Variants in TSPAN9 observed in about 807,000 individuals in gnomAD.
TSPAN9 encodes tetraspanin-9.
A neutral mutation model predicts 31.0 loss-of-function variants in TSPAN9; 16 were observed. The observed-to-expected ratio is 0.52, with a 90% confidence interval of 0.35 to 0.78. The LOEUF is 0.78. Ranked by LOEUF, TSPAN9 falls within the 30% of genes least tolerant of loss-of-function variation. TSPAN9 has a pLI of 0.01. For synonymous variants in TSPAN9, 145 were observed against 121.6 expected, an observed-to-expected ratio of 1.19 and a Z score of -1.27; for missense variants, 272 against 312.5, an observed-to-expected ratio of 0.87 and a Z score of 0.98.
intron 1 of TSPAN9, among the ~76,000 whole-genome samples, chr12:3,081,334 C>T (rs1262585721): frequency 6.6e-6 from 1 of 152,180 alleles, no homozygotes; most frequent in East Asian, 1.9e-4. Context: ...GCCTGGCATT[C>T]AGCATCCTGC....
intron 2 of TSPAN9, among the ~76,000 whole-genome samples, chr12:3,157,008 G>C (rs1306271261): frequency 6.6e-6 from 1 of 152,114 alleles, no homozygotes; most frequent in Non-Finnish European, 1.5e-5. Flanking sequence ...TTGCAGTATT[G>C]AGTACAAATT....
At position 3,089,210 on chromosome 12, in the gene TSPAN9, T is replaced by C. The variant is rs373207547; in HGVS notation, c.-18+5491T>C. 1.1e-3 allele frequency among the ~76,000 whole-genome samples: 149 copies of C among 140,698 alleles called. 1 individual carries two copies. In the East Asian group the frequency reaches 0.02, roughly 19 times the overall value. The allele number at this position is 140,698 out of a possible 152,430, so 92.3% of individuals were successfully genotyped here. ...TCGCGCCACTGCACTCCAGCCTGGG[T>C]GACAGAGCGAGACTCCATCTCAAAA... is the stretch of plus-strand genomic sequence containing the variant. On this transcript the variant is annotated intron_variant, in intron 2 of 8. Transcript: ENST00000011898.
intron 2 of TSPAN9, among the ~76,000 whole-genome samples, chr12:3,142,872 G>A (rs375655106): frequency 5.3e-5 from 8 of 152,272 alleles, no homozygotes; most frequent in African/African-American, 1.4e-4. Flanking sequence ...TCCCACGAGC[G>A]CCCTTTTTCT....
In TSPAN9 at chr12:3,274,272, G is replaced by A. The variant is rs192657233; in HGVS notation, c.64-4149G>A. ...GGAACCACTGGGCTGAGGGCTGAGAGCACCATGTCTCAGACTCGGCTAAGA... is the reference window on the plus strand; with the variant it reads ...GGAACCACTGGGCTGAGGGCTGAGAACACCATGTCTCAGACTCGGCTAAGA... On this transcript the variant is annotated intron_variant, in intron 3 of 8. Coordinates refer to ENST00000011898, the MANE Select transcript of TSPAN9 (RefSeq NM_006675.5). Among the ~76,000 whole-genome samples the A allele has an allele frequency of 2.0e-3, 308 of 152,344 alleles. 2 individuals are homozygous for A. Among genetic ancestry groups the A allele is most frequent in the African/African-American group, 7.0e-3 (289 of 41,582 alleles).
At chr12:3,139,640 G>A (rs1330400615) in intron 2 of TSPAN9, among the ~76,000 whole-genome samples, 2 of 152,114 alleles carry the variant, frequency 1.3e-5, no homozygotes, top group Non-Finnish European at 2.9e-5. Context: ...GTGACTCCCA[G>A]GCTCAAGTCG....
In TSPAN9 at chr12:3,122,027, G is replaced by A. The variant is rs118063489; in HGVS notation, c.-18+38308G>A. On this transcript the variant is annotated intron_variant, in intron 2 of 8. Transcript: ENST00000011898. Reference sequence around the variant, plus strand: ...CTGAGTTCTCCCCTCCCCTCCCCTCGTTTTTTGTCTTAAAAAGAGATAGAG... The same window carrying A: ...CTGAGTTCTCCCCTCCCCTCCCCTCATTTTTTGTCTTAAAAAGAGATAGAG... 4.6e-4 allele frequency among the ~76,000 whole-genome samples: 70 copies of A among 152,046 alleles called. No individual in the cohort carries two copies. The East Asian group carries it at 0.011, about 24-fold the overall frequency.
intron 2 of TSPAN9, among the ~76,000 whole-genome samples, chr12:3,142,832 TAAC>T (rs1195400991): frequency 6.6e-6 from 1 of 152,204 alleles, no homozygotes; most frequent in Non-Finnish European, 1.5e-5. Flanking sequence ...ATAGCGTTAT[TAAC>T]AATAGATTTT....
At chr12:3,102,304 T>C (rs991223959) in intron 2 of TSPAN9, among the ~76,000 whole-genome samples, 9 of 151,972 alleles carry the variant, frequency 5.9e-5, no homozygotes, top group African/African-American at 1.9e-4. Context: ...TTTTAAAATT[T>C]TTTTGTAGAG....
At chr12:3,282,540 T>A (rs1049082240) in intron 8 of TSPAN9, among the ~76,000 whole-genome samples, 1 of 152,288 alleles carries the variant, frequency 6.6e-6, no homozygotes, top group East Asian at 1.9e-4. Flanking sequence ...ACTACAGGCA[T>A]ATACACCACC....
chr12:3,274,743 G>C (rs754537530), intron 3 of TSPAN9, among the ~76,000 whole-genome samples: 13 of 152,246 alleles, frequency 8.5e-5, no homozygotes, highest in Non-Finnish European at 1.5e-4. Flanking sequence ...CAGAAGATGG[G>C]AGCAGAGAGC....
chr12:3,109,295 TGTGTGAGAGAGA>T (rs1165651906), intron 2 of TSPAN9, among the ~76,000 whole-genome samples: 2 of 114,970 alleles, frequency 1.7e-5, no homozygotes, highest in South Asian at 2.4e-4. Flanking sequence ...TGTGTGTGTG[TGTGTGAGAGAGA>T]GTGTGTGTGT....
At chr12:3,247,074 G>A (rs1470007264) in intron 3 of TSPAN9, among the ~76,000 whole-genome samples, 1 of 152,160 alleles carries the variant, frequency 6.6e-6, no homozygotes, top group East Asian at 1.9e-4. Flanking sequence ...GCAACGTACT[G>A]TGCACACATG....
intron 3 of TSPAN9, among the ~76,000 whole-genome samples, chr12:3,266,062 C>G (rs473014): frequency 6.6e-6 from 1 of 150,892 alleles, no homozygotes; most frequent in Admixed American, 6.6e-5. Flanking sequence ...AACACTACTT[C>G]TTCATCCCGT....
intron 2 of TSPAN9, among the ~76,000 whole-genome samples, chr12:3,140,184 G>A (rs2153967671): frequency 6.6e-6 from 1 of 152,298 alleles, no homozygotes; most frequent in Non-Finnish European, 1.5e-5. Context: ...TCCTGGAGTG[G>A]AAAGCGTGCA....
chr12:3,116,586 G>T (rs1335806542), intron 2 of TSPAN9, among the ~76,000 whole-genome samples: 1 of 152,086 alleles, frequency 6.6e-6, no homozygotes, highest in East Asian at 1.9e-4. Flanking sequence ...GGAGGAGGAA[G>T]GGTCCCCGTA....
At chr12:3,211,650 A>T in intron 3 of TSPAN9, 1 of 1,377,316 alleles carries the variant, frequency 7.3e-7, no homozygotes, top group Non-Finnish European at 1.0e-6. Context: ...ACTCATCTTG[A>T]CTCAGAGTGC....
chr12:3,248,400 GCT>G (rs1862180807), intron 3 of TSPAN9, among the ~76,000 whole-genome samples: 1 of 152,136 alleles, frequency 6.6e-6, no homozygotes. Flanking sequence ...GAAAATGTGT[GCT>G]CTCTTAGTTT....
Position 3,118,256 on chromosome 12 carries a change from G to GTTT in TSPAN9, c.-18+34559_-18+34561dup, listed in dbSNP as rs72307230. 2.7e-3 allele frequency among the ~76,000 whole-genome samples: 86 copies of GTTT among 31,540 alleles called. 10 individuals are homozygous for GTTT. The highest frequency in any genetic ancestry group is 3.8e-3 in the Non-Finnish European group (60 of 15,694). The allele number at this position is 31,540 out of a possible 152,430, so 20.7% of individuals were successfully genotyped here. A position where few individuals can be genotyped will look rare whatever the true frequency, so the allele number is the denominator to read the frequency against. ...ATTCCGCACCGCCCCTGCACCCGCC[G>GTTT]TTTTTTTTTTTTTTTTTTTTTTTTG... On this transcript the variant is annotated intron_variant, in intron 2 of 8. Transcript: ENST00000011898.
intron 2 of TSPAN9, among the ~76,000 whole-genome samples, chr12:3,093,674 T>C (rs1166516078): frequency 6.6e-6 from 1 of 152,056 alleles, no homozygotes; most frequent in African/African-American, 2.4e-5. Context: ...GTTACAGCTA[T>C]GGAAAGAAAC....
Sources: allele counts gnomAD v4.1 joint callset (sites outside exome capture counted in the v4.1 genomes callset), GRCh38; gene constraint gnomAD v4.1.1; transcripts MANE v1.5; gene names NCBI Gene and HGNC (gene_info 2026-07-23, HGNC 2026-07-21).